The following SHD variants were observed in gnomAD, a reference collection of about 807,000 sequenced individuals.
SHD encodes the protein Src homology 2 domain containing transforming protein D.
A neutral mutation model predicts 31.2 loss-of-function variants in SHD; 29 were observed. The ratio of observed to expected loss-of-function variants is 0.93; its 90% CI spans 0.69 to 1.27. SHD has a LOEUF of 1.27. Among genes scored for constraint, SHD ranks in the 50% most tolerant of loss-of-function variants. SHD has a pLI of 0.00. For missense variants in SHD, 520 were observed against 453.8 expected (o/e 1.15, Z -1.33); for synonymous variants, 208 against 187.8 (o/e 1.11, Z -0.88).
chr19:4,290,580 C>T lies in SHD; in HGVS notation c.970C>T (p.Gln324Ter), dbSNP rs763136561. Residue 324 changes from glutamine to a stop codon, truncating the protein, a stop_gained, in exon 6 of 6, where the codon CAG (glutamine) becomes TAG (stop). Transcript: ENST00000543264. LOFTEE classifies it high-confidence loss of function. ...CTACAGTTCACGCCCACTGCCGGTG[C>T]AGGGTGCCGAGCATCTGGCTCTGCT... ...LHYSSRPLPVQGAEHLALLYP... is the reference protein window; with the variant it reads ...LHYSSRPLPV The T allele has an allele frequency of 1.2e-6, 2 of 1,613,582 alleles. No individual in the cohort carries two copies. The highest frequency in any genetic ancestry group is 4.5e-5 in the East Asian group (2 of 44,888).
chr19:4,283,582 C>G (rs1033032325), intron 3 of SHD, among the ~76,000 whole-genome samples: 15 of 150,570 alleles, frequency 1.0e-4, no homozygotes, highest in African/African-American at 3.7e-4. Flanking sequence ...TTTTATTTTT[C>G]TTTCGTTTTT....
At position 4,280,239 on chromosome 19, in the gene SHD, G is replaced by A. The variant is rs1971243498; in HGVS notation, c.176G>A (p.Gly59Asp). The A allele has an allele frequency of 1.9e-6, 3 of 1,613,754 alleles. No individual in the cohort carries two copies. Among genetic ancestry groups the A allele is most frequent in the Non-Finnish European group, 2.5e-6 (3 of 1,180,000 alleles). Residue 59 changes from glycine to aspartate, a missense_variant, in exon 1 of 6, where the codon GGC becomes GAC. Transcript: ENST00000543264. ...AESRLEPDPA[G>D]PGDSKNPGDA... Reference sequence around the variant, plus strand: ...AGCCGCTTGGAGCCGGACCCCGCGGGCCCTGGGGACTCCAAGAACCCCGGA... The same window carrying A: ...AGCCGCTTGGAGCCGGACCCCGCGGACCCTGGGGACTCCAAGAACCCCGGA...
rs779410794 is a variant in SHD, at chr19:4,280,033, C to G, written c.-31C>G. Reference sequence around the variant, plus strand: ...GAAGGGCATGTGGGGGCCCCTCTGACAGTGGCCCGATTGGGGTGACAGGCG... The same window carrying G: ...GAAGGGCATGTGGGGGCCCCTCTGAGAGTGGCCCGATTGGGGTGACAGGCG... On this transcript the variant is annotated 5_prime_UTR_variant, in exon 1 of 6. Transcript: ENST00000543264. 4.5e-6 allele frequency: 7 copies of G among 1,560,794 alleles called. 1 individual carries two copies. The South Asian group carries it at 8.3e-5, about 18-fold the overall frequency.
chr19:4,290,533 G>C lies in SHD; in HGVS notation c.923G>C (p.Ser308Thr). The C allele has an allele frequency of 6.2e-7, 1 of 1,613,654 alleles. No homozygotes were observed. The highest frequency in any genetic ancestry group is 2.2e-5 in the East Asian group (1 of 44,860). The change falls in exon 6 of 6, where the codon AGC becomes ACC. Residue 308 changes from serine to threonine, a missense_variant. Physicochemically the swap from Ser to Thr is moderately conservative, Grantham distance 58. Coordinates refer to ENST00000543264, the MANE Select transcript of SHD (RefSeq NM_020209.4). ...GGCCAACACAGCGGGCCCTTCCCCAGCGTGCCCGAGCTCGTCCTCCACTAC... is the reference window on the plus strand; with the variant it reads ...GGCCAACACAGCGGGCCCTTCCCCACCGTGCCCGAGCTCGTCCTCCACTAC... ...VLGQHSGPFP[S>T]VPELVLHYSS...
chr19:4,280,435 T>C, intron 1 of SHD, 75 bp downstream of exon 1: 2 of 1,443,960 alleles, frequency 1.4e-6, no homozygotes, highest in Non-Finnish European at 1.8e-6. Flanking sequence ...GTGGAGAGCT[T>C]ATTTTATGTG....
At position 4,283,109 on chromosome 19, in the gene SHD, A is replaced by G. The variant is rs140843164; in HGVS notation, c.459A>G (p.Pro153=). 839 of 1,614,178 alleles carry G rather than the reference A, an allele frequency of 5.2e-4. No homozygotes were observed. Among genetic ancestry groups the G allele is most frequent in the Non-Finnish European group, 6.4e-4 (757 of 1,180,022 alleles). The change falls in exon 3 of 6, where the codon CCA becomes CCG. Residue 153 remains proline, a synonymous_variant. Transcript: ENST00000543264. ...LYDTPYEEQD[P]ETADGPPSGQ... is the part of the protein sequence containing the mutation. ...ACACCCCTTATGAGGAACAGGACCCAGAGACAGCAGATGGACCCCCTTCTG... is the reference window on the plus strand; with the variant it reads ...ACACCCCTTATGAGGAACAGGACCCGGAGACAGCAGATGGACCCCCTTCTG...
intron 1 of SHD, 140 bp from the exon 2 acceptor site, chr19:4,282,730 A>AAAAT (rs1230300658): frequency 1.4e-5 from 5 of 346,770 alleles, no homozygotes; most frequent in Non-Finnish European, 2.5e-5. Flanking sequence ...AATAAAAATA[A>AAAAT]AAATAAATAA....
rs574083272 is a variant in SHD at position 4,286,748 on chromosome 19, T to C, written c.717-1495T>C. Among the ~76,000 whole-genome samples, 6 of 150,626 alleles carry C rather than the reference T, an allele frequency of 4.0e-5. No homozygotes were observed. In the Admixed American group the frequency reaches 4.0e-4, roughly 10 times the overall value. ...CTCCATCATTAGCCGGACATGGTGG[T>C]GCGTGCCTGTAATCCCAGCTACTCG... On this transcript the variant is annotated intron_variant, in intron 4 of 5. Coordinates refer to ENST00000543264, the MANE Select transcript of SHD (RefSeq NM_020209.4).
Position 4,282,963 on chromosome 19 carries a change from T to C in SHD, c.391T>C (p.Trp131Arg), listed in dbSNP as rs750664324. 1.9e-6 allele frequency: 3 copies of C among 1,614,002 alleles called. No individual in the cohort carries two copies. In the Admixed American group the frequency reaches 5.0e-5, roughly 27 times the overall value. ...GTACATGGAGCCCTACGATGCCCAA[T>C]GGGTCATGAGTGGTGAGTAGGCACG... Reference protein sequence around the residue: ...DGYMEPYDAQWVMSELPGRGV... With the variant: ...DGYMEPYDAQRVMSELPGRGV... Residue 131 changes from tryptophan (W) to arginine (R), a missense_variant, in exon 2 of 6, where the codon TGG (tryptophan) becomes CGG (arginine). Trp to Arg is a moderately radical substitution (Grantham distance 101). Transcript: ENST00000543264.
chr19:4,288,237 C>T lies in SHD; in HGVS notation c.717-6C>T, dbSNP rs376232528. 1.9e-6 allele frequency: 3 copies of T among 1,612,810 alleles called. No homozygotes were observed. The highest frequency in any genetic ancestry group is 1.3e-5 in the African/African-American group (1 of 74,876). On this transcript the variant is annotated splice_region_variant and splice_polypyrimidine_tract_variant and intron_variant, in intron 4 of 5. Transcript: ENST00000543264. ...CCTTGATGAGACATCTGTCCATACT[C>T]GCTAGGTGGTTTCATGGCCCCCTGA...
rs769334767 is a variant in SHD at position 4,288,275 on chromosome 19, CAG to C, written c.754_755del (p.Ser252ProfsTer16). 1 of 1,613,800 alleles carries C rather than the reference CAG, an allele frequency of 6.2e-7. No individual in the cohort carries two copies. Among genetic ancestry groups the C allele is most frequent in the Non-Finnish European group, 8.5e-7 (1 of 1,179,848 alleles). On this transcript the variant is annotated frameshift_variant, in exon 5 of 6. Transcript: ENST00000543264. LOFTEE classifies it high-confidence loss of function. ...CATGGCCCCCTGAACAGGGCGGATG[CAG>C]AGAGCCTCCTGTCCCTCTGCAAGGA... is the stretch of plus-strand genomic sequence containing the variant.
chr19:4,283,467 C>G (rs770115088), intron 3 of SHD, among the ~76,000 whole-genome samples: 3 of 152,170 alleles, frequency 2.0e-5, no homozygotes, highest in Non-Finnish European at 4.4e-5. Context: ...TGGAATGGAA[C>G]CTACTTATCC....
rs745601867 is a variant in SHD, at chr19:4,288,321, G to A, written c.795G>A (p.Arg265=). 1 of 1,613,880 alleles carries A rather than the reference G, an allele frequency of 6.2e-7. No individual in the cohort carries two copies. Among genetic ancestry groups the A allele is most frequent in the South Asian group, 1.1e-5 (1 of 91,060 alleles). ...GCAAGGAAGGCAGCTACCTAGTGCGGCTCAGTGAGACCAACCCCCAGGACT... is the reference window on the plus strand; with the variant it reads ...GCAAGGAAGGCAGCTACCTAGTGCGACTCAGTGAGACCAACCCCCAGGACT... ...SLCKEGSYLV[R]LSETNPQDCS... is the part of the protein sequence containing the mutation. Residue 265 remains arginine (R), a synonymous_variant, in exon 5 of 6, where the codon CGG becomes CGA. Coordinates refer to ENST00000543264, the MANE Select transcript of SHD (RefSeq NM_020209.4).
chr19:4,289,514 G>T (rs1224056186), intron 5 of SHD, among the ~76,000 whole-genome samples: 1 of 151,812 alleles, frequency 6.6e-6, no homozygotes, highest in Non-Finnish European at 1.5e-5. Flanking sequence ...CCAAAGTGCT[G>T]GGATTGCAGG....
At chr19:4,283,917 G>A (rs57961485) in intron 3 of SHD, among the ~76,000 whole-genome samples, 3,920 of 152,038 alleles carry the variant, frequency 0.026, 160 homozygotes, top group African/African-American at 0.084. Flanking sequence ...TAAACTACAG[G>A]TGAATTTCCA....
chr19:4,281,434 G>T (rs1971255297), intron 1 of SHD, among the ~76,000 whole-genome samples: 1 of 97,334 alleles, frequency 1.0e-5, no homozygotes, highest in African/African-American at 4.1e-5. Flanking sequence ...GGGTGACAGA[G>T]CAACACCCTG....
Position 4,288,290 on chromosome 19 carries a change from C to G in SHD, c.764C>G (p.Ser255Cys). ...LNRADAESLL[S>C]LCKEGSYLVR... ...AGGGCGGATGCAGAGAGCCTCCTGT[C>G]CCTCTGCAAGGAAGGCAGCTACCTA... The change falls in exon 5 of 6, where the codon TCC becomes TGC. Residue 255 changes from serine to cysteine, a missense_variant. Ser to Cys is a moderately radical substitution (Grantham distance 112). Transcript: ENST00000543264. 6.2e-7 allele frequency: 1 copy of G among 1,613,978 alleles called. No individual in the cohort carries two copies. Among genetic ancestry groups the G allele is most frequent in the Non-Finnish European group, 8.5e-7 (1 of 1,179,946 alleles).
At chr19:4,285,027 C>A in intron 4 of SHD, 123 bp downstream of exon 4, 1 of 1,202,776 alleles carries the variant, frequency 8.3e-7, no homozygotes, top group Non-Finnish European at 1.1e-6. Flanking sequence ...TTCATTCATC[C>A]ACTTATTTCT....
intron 4 of SHD, among the ~76,000 whole-genome samples, chr19:4,286,662 G>A (rs1599515166): frequency 6.6e-6 from 1 of 152,114 alleles, no homozygotes; most frequent in East Asian, 1.9e-4. Flanking sequence ...CACTTTGGGA[G>A]GCCGGGGTGG....
Sources: gnomAD v4.1 joint callset for allele counts (sites outside exome capture counted in the v4.1 genomes callset) on GRCh38, gnomAD v4.1.1 for gene constraint, MANE v1.5 for transcripts, NCBI Gene and HGNC (gene_info 2026-07-23, HGNC 2026-07-21) for gene names.